ADCY2: variants seen among roughly 807,000 people sequenced by gnomAD.
ADCY2 encodes the protein adenylate cyclase 2, also known as adenylate cyclase type 2.
Under a neutral mutation model 125.2 loss-of-function variants are expected in ADCY2, and 31 were observed. The observed-to-expected ratio is 0.25, with a 90% CI of 0.19 to 0.33. The LOEUF is 0.33. Among genes scored for constraint, ADCY2 ranks in the 10% least tolerant of loss-of-function variants. ADCY2 has a pLI of 1.00. For synonymous variants in ADCY2, 512 were observed against 548.4 expected, an observed-to-expected ratio of 0.93 and a Z score of 0.93; for missense variants, 904 against 1,418.2, an observed-to-expected ratio of 0.64 and a Z score of 5.82.
intron 3 of ADCY2, among the ~76,000 whole-genome samples, chr5:7,597,161 T>A (rs10078442): frequency 6.6e-6 from 1 of 152,110 alleles, no homozygotes; most frequent in Non-Finnish European, 1.5e-5. Context: ...TACTTGCTCC[T>A]TCTTTGCTCT....
intron 4 of ADCY2, among the ~76,000 whole-genome samples, chr5:7,627,216 G>T (rs1231801845): frequency 1.3e-5 from 2 of 152,104 alleles, no homozygotes; most frequent in Non-Finnish European, 2.9e-5. Context: ...AGGTGTCGTT[G>T]TCAGGGGCAT....
At chr5:7,803,395 G>A (rs552439812) in intron 21 of ADCY2, among the ~76,000 whole-genome samples, 9 of 152,320 alleles carry the variant, frequency 5.9e-5, no homozygotes, top group South Asian at 2.1e-4. Flanking sequence ...GCAAGAAAAC[G>A]CTCTTGGTCT....
chr5:7,814,731 A>G (rs1338268850), intron 22 of ADCY2, among the ~76,000 whole-genome samples: 1 of 152,064 alleles, frequency 6.6e-6, no homozygotes, highest in Non-Finnish European at 1.5e-5. Context: ...CTTCTGAGTC[A>G]CTGAGAGTTG....
At chr5:7,628,252 T>A (rs910041518) in intron 4 of ADCY2, among the ~76,000 whole-genome samples, 1 of 152,082 alleles carries the variant, frequency 6.6e-6, no homozygotes, top group Non-Finnish European at 1.5e-5. Flanking sequence ...CATGTTTAAC[T>A]TTTTTTTCAT....
intron 20 of ADCY2, chr5:7,795,201 A>C (rs1744384176): frequency 1.3e-5 from 2 of 152,210 alleles, no homozygotes; most frequent in Non-Finnish European, 2.9e-5. Context: ...AGAGACCATT[A>C]CCAATTTTTG....
chr5:7,653,419 C>CA, intron 4 of ADCY2, among the ~76,000 whole-genome samples: 1 of 152,268 alleles, frequency 6.6e-6, no homozygotes, highest in African/African-American at 2.4e-5. Flanking sequence ...AGACGGCTAA[C>CA]ACGGTGAAAC....
At chr5:7,666,354 A>C (rs568878052) in intron 4 of ADCY2, among the ~76,000 whole-genome samples, 357 of 149,218 alleles carry the variant, frequency 2.4e-3, no homozygotes, top group Middle Eastern at 7.2e-3. Flanking sequence ...CTGCAAGCTC[A>C]GCCTCCCAGG....
At chr5:7,626,883 TAG>T (rs1274712118) in intron 4 of ADCY2, among the ~76,000 whole-genome samples, 1 of 151,962 alleles carries the variant, frequency 6.6e-6, no homozygotes, top group Non-Finnish European at 1.5e-5. Flanking sequence ...TAAACTGTAA[TAG>T]AGAGTTATGA....
At chr5:7,450,625 T>C (rs1741437884) in intron 2 of ADCY2, among the ~76,000 whole-genome samples, 1 of 152,192 alleles carries the variant, frequency 6.6e-6, no homozygotes, top group Non-Finnish European at 1.5e-5. Context: ...TGACAGATTT[T>C]CAAAGTAGAC....
intron 4 of ADCY2, among the ~76,000 whole-genome samples, chr5:7,650,078 C>T (rs1418075228): frequency 2.0e-5 from 3 of 152,168 alleles, no homozygotes; most frequent in African/African-American, 2.4e-5. Context: ...GTTCACACTC[C>T]TGCCTACCTA....
At chr5:7,488,161 G>T (rs1743013758) in intron 2 of ADCY2, among the ~76,000 whole-genome samples, 2 of 152,144 alleles carry the variant, frequency 1.3e-5, no homozygotes, top group South Asian at 2.1e-4. Context: ...CATGGGGGCA[G>T]TTTCCCTCAT....
chr5:7,463,303 CA>C (rs2126442766), intron 2 of ADCY2, among the ~76,000 whole-genome samples: 1 of 152,266 alleles, frequency 6.6e-6, no homozygotes, highest in Admixed American at 6.5e-5. Context: ...AAGATTTATT[CA>C]GTGTCCATTA....
rs1464498324 is a variant in ADCY2 at position 7,417,293 on chromosome 5, G to A, written c.408+2523G>A. On this transcript the variant is annotated intron_variant, in intron 2 of 24. Coordinates refer to ENST00000338316, the MANE Select transcript of ADCY2 (RefSeq NM_020546.3). The stretch of plus-strand genomic sequence containing the variant: ...TTTTAAAAATTACCTTTGCTAATTG[G>A]TCGGTGTTTATATATAAGAATACTA... Among the ~76,000 whole-genome samples, 4 of 151,984 alleles carry A rather than the reference G, an allele frequency of 2.6e-5. No individual in the cohort carries two copies. In the East Asian group the frequency reaches 7.7e-4, roughly 29 times the overall value.
At chr5:7,561,611 T>A (rs1399608248) in intron 3 of ADCY2, among the ~76,000 whole-genome samples, 6 of 142,204 alleles carry the variant, frequency 4.2e-5, no homozygotes, top group Non-Finnish European at 8.8e-5. Context: ...TTTGCAGTAA[T>A]GTTAAAATGT....
At chr5:7,722,569 A>G (rs1273856799) in intron 12 of ADCY2, among the ~76,000 whole-genome samples, 1 of 152,134 alleles carries the variant, frequency 6.6e-6, no homozygotes, top group Non-Finnish European at 1.5e-5. Flanking sequence ...GAAATAGAAT[A>G]ATAGTTCTGC....
At chr5:7,702,336 G>A (rs1249207148) in intron 7 of ADCY2, among the ~76,000 whole-genome samples, 7 of 149,086 alleles carry the variant, frequency 4.7e-5, no homozygotes, top group Admixed American at 3.4e-4. Context: ...CTATTAACTC[G>A]TCATTTACAT....
chr5:7,624,280 G>A (rs540163725), intron 3 of ADCY2, among the ~76,000 whole-genome samples: 1 of 152,152 alleles, frequency 6.6e-6, no homozygotes, highest in East Asian at 1.9e-4. Context: ...ATAGACCAAG[G>A]CATTGGGTAG....
chr5:7,709,969 C>G lies in ADCY2; in HGVS notation c.1578+582C>G, dbSNP rs73049805. Among the ~76,000 whole-genome samples the G allele has an allele frequency of 3.9e-5, 6 of 152,194 alleles. No individual in the cohort carries two copies. The East Asian group carries it at 1.2e-3, about 29-fold the overall frequency. On this transcript the variant is annotated intron_variant, in intron 10 of 24. Coordinates refer to ENST00000338316, the MANE Select transcript of ADCY2 (RefSeq NM_020546.3). This position sits in a 1 kb window ranked among gnomAD's most constrained non-coding sequence, Gnocchi z 4.4. The stretch of plus-strand genomic sequence containing the variant: ...AGGAGGAGAGAAAAGTAAATACAAC[C>G]AAGCACTTAGGATAATCCCCATAGT...
intron 7 of ADCY2, 140 bp from the exon 8 acceptor site, chr5:7,706,604 G>A: frequency 1.1e-6 from 1 of 901,074 alleles, no homozygotes; most frequent in Non-Finnish European, 1.7e-6. Flanking sequence ...TCAGAGGAGT[G>A]ATCTCCTGCC....
Sources: gnomAD v4.1 joint callset for allele counts (sites outside exome capture counted in the v4.1 genomes callset) on GRCh38, gnomAD v4.1.1 for gene constraint, Gnocchi (gnomAD v3.1) non-coding constraint, MANE v1.5 for transcripts, NCBI Gene and HGNC (gene_info 2026-07-23, HGNC 2026-07-21) for gene names.